ESRRG: variants seen among roughly 807,000 people sequenced by gnomAD.
ESRRG encodes estrogen related receptor gamma.
A neutral mutation model predicts 44.0 loss-of-function variants in ESRRG; 13 were observed. That is an observed-to-expected ratio of 0.30 (90% CI 0.19 to 0.47). The LOEUF (loss-of-function observed/expected upper bound fraction) is 0.47. Among genes scored for constraint, ESRRG ranks in the 20% least tolerant of loss-of-function variants. The probability of loss-of-function intolerance (pLI) is 1.00; values close to 1 mark genes in which losing one functional copy is unlikely to be tolerated. For synonymous variants in ESRRG, 215 were observed against 214.6 expected, an observed-to-expected ratio of 1.00 and a Z score of -0.02; for missense variants, 395 against 580.6, an observed-to-expected ratio of 0.68 and a Z score of 3.29.
At chr1:217,019,489 T>C (rs2079960707) in intron 1 of ESRRG, among the ~76,000 whole-genome samples, 1 of 152,158 alleles carries the variant, frequency 6.6e-6, no homozygotes, top group South Asian at 2.1e-4. Flanking sequence ...GAGAAAAATG[T>C]TCCAGAAAGA....
intron 1 of ESRRG, among the ~76,000 whole-genome samples, chr1:217,022,630 A>G (rs985906328): frequency 1.1e-4 from 16 of 152,288 alleles, no homozygotes; most frequent in African/African-American, 3.8e-4. Flanking sequence ...TAATGGGAGC[A>G]TCGACCCTGT....
intron 1 of ESRRG, among the ~76,000 whole-genome samples, chr1:216,704,232 G>A (rs934513274): frequency 4.6e-5 from 7 of 152,050 alleles, no homozygotes; most frequent in Admixed American, 1.3e-4. Context: ...TAGTAAATTC[G>A]GCTGGGCGCG....
chr1:216,526,247 C>A (rs564049118), intron 5 of ESRRG, among the ~76,000 whole-genome samples: 17 of 152,186 alleles, frequency 1.1e-4, no homozygotes, highest in Non-Finnish European at 2.5e-4. Context: ...AGAGTCCTAA[C>A]CTCCAGGACC....
intron 5 of ESRRG, among the ~76,000 whole-genome samples, chr1:216,559,629 C>T (rs1032122530): frequency 7.2e-5 from 11 of 152,156 alleles, no homozygotes; most frequent in Non-Finnish European, 1.2e-4. Flanking sequence ...ACATTATAAA[C>T]GGAAACATAA....
rs539785296 is a variant in ESRRG at position 216,747,080 on chromosome 1, A to G, written c.-13-69589T>C. Among the ~76,000 whole-genome samples the G allele has an allele frequency of 2.3e-4, 35 of 152,308 alleles. No individual in the cohort carries two copies. The South Asian group carries it at 7.0e-3, about 31-fold the overall frequency. ...TTGTTTTATTTTATTAATTTCTAGC[A>G]CAAACATCTCACTTTAAAGCTTCCA... is the stretch of plus-strand genomic sequence containing the variant. On this transcript the variant is annotated intron_variant, in intron 2 of 7. Coordinates refer to the ESRRG transcript ENST00000359162.
chr1:217,025,588 T>C (rs1208665674), intron 1 of ESRRG, among the ~76,000 whole-genome samples: 1 of 152,198 alleles, frequency 6.6e-6, no homozygotes. Context: ...GCTAATGTTC[T>C]TCCTCCCACC....
At chr1:217,092,980 A>G (rs2092370657), upstream of ESRRG, among the ~76,000 whole-genome samples, 1 of 147,112 alleles carries the variant, frequency 6.8e-6, no homozygotes, top group Admixed American at 6.8e-5. Context: ...GTAGAACTTC[A>G]TATGGGGAGT....
chr1:216,821,154 G>A (rs1458271695), intron 2 of ESRRG, among the ~76,000 whole-genome samples: 1 of 152,140 alleles, frequency 6.6e-6, no homozygotes, highest in Non-Finnish European at 1.5e-5. Flanking sequence ...GAAGCCATTG[G>A]TAACTACGGT....
intron 2 of ESRRG, among the ~76,000 whole-genome samples, chr1:216,932,186 A>G (rs562914416): frequency 5.3e-5 from 8 of 152,354 alleles, no homozygotes; most frequent in Admixed American, 3.9e-4. Flanking sequence ...CTTGGGAGAC[A>G]GAGTGAAACT....
chr1:216,702,638 A>C (rs530841696), intron 1 of ESRRG, among the ~76,000 whole-genome samples: 1 of 150,652 alleles, frequency 6.6e-6, no homozygotes, highest in East Asian at 2.0e-4. Context: ...TTAGCCAGGC[A>C]TGGTGGCATA....
chr1:216,685,763 T>C (rs1217812232), intron 1 of ESRRG, among the ~76,000 whole-genome samples: 1 of 152,232 alleles, frequency 6.6e-6, no homozygotes, highest in African/African-American at 2.4e-5. Context: ...CACAAGTTGA[T>C]ATAAGGATAT....
chr1:216,687,049 G>GTGTGTC (rs2078136690), intron 1 of ESRRG, among the ~76,000 whole-genome samples: 1 of 86,774 alleles, frequency 1.2e-5, no homozygotes, highest in South Asian at 3.2e-4. Flanking sequence ...GTGTGTGTCT[G>GTGTGTC]TGTGTGTGTG....
rs894888306 is a variant in ESRRG, at chr1:217,080,924, G to A, written c.-106+8583C>T. Among the ~76,000 whole-genome samples, 7 of 151,944 alleles carry A rather than the reference G, an allele frequency of 4.6e-5. No individual in the cohort carries two copies. The East Asian group carries it at 7.8e-4, about 17-fold the overall frequency. ...AATCTCCTGACCTCGTGATCCGCCC[G>A]CCTCGGCCTGCCAAAGTGTTGGGAT... is the stretch of plus-strand genomic sequence containing the variant. On this transcript the variant is annotated intron_variant, in intron 1 of 7. Transcript: ENST00000359162.
At chr1:216,580,703 T>C (rs2062602574) in intron 3 of ESRRG, among the ~76,000 whole-genome samples, 1 of 152,152 alleles carries the variant, frequency 6.6e-6, no homozygotes, top group Middle Eastern at 3.2e-3. Flanking sequence ...TAAAAGTCTA[T>C]GAATGAAATG....
rs1355017212 is a variant in ESRRG, at chr1:216,519,208, A to G, written c.1076T>C (p.Met359Thr). 6.2e-7 allele frequency: 1 copy of G among 1,613,810 alleles called. No homozygotes were observed. Among genetic ancestry groups the G allele is most frequent in the Non-Finnish European group, 8.5e-7 (1 of 1,179,798 alleles). ...GACAAATTCTTCTTTTTCCAGCTTCATGCTCTTGTATTTCTTTACCAGCTG... is the reference window on the plus strand; with the variant it reads ...GACAAATTCTTCTTTTTCCAGCTTCGTGCTCTTGTATTTCTTTACCAGCTG... The part of the protein sequence containing the change: ...ILQLVKKYKS[M>T]KLEKEEFVTL... The change falls in exon 6 of 7, where the codon ATG (methionine) becomes ACG (threonine). Residue 359 changes from methionine (M) to threonine (T), a missense_variant. Coordinates refer to ENST00000408911, the MANE Select transcript of ESRRG (RefSeq NM_001438.4).
intron 2 of ESRRG, among the ~76,000 whole-genome samples, chr1:216,742,562 T>C (rs1384087366): frequency 6.6e-6 from 1 of 152,048 alleles, no homozygotes; most frequent in Non-Finnish European, 1.5e-5. Context: ...TATCCATTTC[T>C]GTCCTAACTC....
intron 1 of ESRRG, among the ~76,000 whole-genome samples, chr1:217,088,814 C>CTCCCATCA (rs965499545): frequency 1.3e-5 from 2 of 152,038 alleles, no homozygotes; most frequent in African/African-American, 4.8e-5. Flanking sequence ...CTCTGAGACT[C>CTCCCATCA]TCCCATCACC....
chr1:217,044,173 AG>A (rs1375709318), intron 1 of ESRRG, among the ~76,000 whole-genome samples: 3 of 152,162 alleles, frequency 2.0e-5, no homozygotes, highest in African/African-American at 7.2e-5. Context: ...CTTCCTCCAT[AG>A]GATGTACAAT....
intron 5 of ESRRG, among the ~76,000 whole-genome samples, chr1:216,562,735 A>T (rs1361467032): frequency 6.6e-6 from 1 of 152,138 alleles, no homozygotes; most frequent in Admixed American, 6.6e-5. Flanking sequence ...GTATACATAT[A>T]TCATAATGAT....
Sources: allele counts gnomAD v4.1 joint callset (sites outside exome capture counted in the v4.1 genomes callset), GRCh38; gene constraint gnomAD v4.1.1; transcripts MANE v1.5; gene names NCBI Gene and HGNC (gene_info 2026-07-23, HGNC 2026-07-21).